Variants in GALNT16 observed in about 807,000 individuals in gnomAD.
GALNT16 encodes polypeptide N-acetylgalactosaminyltransferase 16.
GALNT16 carries 40 observed loss-of-function variants against 76.1 expected under a neutral mutation model. The observed-to-expected ratio is 0.53, with a 90% CI of 0.41 to 0.68. GALNT16 has a LOEUF of 0.68. Ranked by LOEUF, GALNT16 falls within the 30% of genes least tolerant of loss-of-function variation. The pLI is 0.00. For synonymous variants in GALNT16, 276 were observed against 285.2 expected, an observed-to-expected ratio of 0.97 and a Z score of 0.32; for missense variants, 621 against 731.9, an observed-to-expected ratio of 0.85 and a Z score of 1.75.
chr14:69,348,017 C>G lies in GALNT16; in HGVS notation c.1539+15C>G, dbSNP rs374434095. The stretch of plus-strand genomic sequence containing the variant: ...AAGGCAAGCAGGTGAGTCTCCTTGC[C>G]TCTGGCCCAGAGGCCCAGCAGCCCG... On this transcript the variant is annotated intron_variant, in intron 14 of 14. Transcript: ENST00000448469. The G allele has an allele frequency of 2.0e-5, 33 of 1,613,770 alleles. No individual in the cohort carries two copies. Among genetic ancestry groups the G allele is most frequent in the African/African-American group, 2.7e-5 (2 of 74,942 alleles).
intron 6 of GALNT16, among the ~76,000 whole-genome samples, chr14:69,330,032 C>T (rs911331878): frequency 9.9e-5 from 15 of 152,156 alleles, no homozygotes; most frequent in South Asian, 2.1e-4. Flanking sequence ...TCTGGCAGTT[C>T]TGCGAAAGTT....
intron 1 of GALNT16, among the ~76,000 whole-genome samples, chr14:69,318,818 C>A (rs2045137810): frequency 6.6e-6 from 1 of 152,232 alleles, no homozygotes; most frequent in Non-Finnish European, 1.5e-5. Flanking sequence ...TTCCATTTCC[C>A]TGACCTAGAG....
At chr14:69,274,360 A>C (rs1203412004) in intron 1 of GALNT16, among the ~76,000 whole-genome samples, 1 of 152,204 alleles carries the variant, frequency 6.6e-6, no homozygotes, top group Non-Finnish European at 1.5e-5. Context: ...TAATGACTTA[A>C]AACAATAATT....
intron 14 of GALNT16, chr14:69,349,063 G>A (rs2045599862): frequency 6.6e-6 from 1 of 152,340 alleles, no homozygotes; most frequent in South Asian, 2.1e-4. Flanking sequence ...GCAGTTTGCT[G>A]TGCCATTCTG....
At position 69,353,551 on chromosome 14, in the gene GALNT16, G is replaced by T. The variant is rs2045664207; in HGVS notation, c.*1383G>T. On this transcript the variant is annotated 3_prime_UTR_variant, in exon 15 of 15. Transcript: ENST00000448469. ...TGACTGTTGGTACCAGGACCCTGGG[G>T]GTCTCCCCTACAAAGCAGACCAGCC... The T allele has an allele frequency of 6.6e-6, 1 of 152,080 alleles. No homozygotes were observed. Among genetic ancestry groups the T allele is most frequent in the Non-Finnish European group, 1.5e-5 (1 of 68,058 alleles). 9.4% of individuals were successfully genotyped at this position (152,080 alleles called of 1,614,324 possible).
chr14:69,303,976 T>C (rs921627859), intron 1 of GALNT16, among the ~76,000 whole-genome samples: 1 of 152,208 alleles, frequency 6.6e-6, no homozygotes, highest in Admixed American at 6.5e-5. Context: ...CTTTCCATGT[T>C]AAAAAATGTT....
Position 69,347,914 on chromosome 14 carries a change from G to C in GALNT16, c.1451G>C (p.Gly484Ala), listed in dbSNP as rs1345602687. 6.2e-7 allele frequency: 1 copy of C among 1,614,004 alleles called. No homozygotes were observed. Among genetic ancestry groups the C allele is most frequent in the Admixed American group, 1.7e-5 (1 of 60,028 alleles). ...AGTGACCACCTCATCCAGCAGCAGG[G>C]GAAGTGCCTGGCTGCCACCTCCACC... ...LFSDHLIQQQGKCLAATSTLM... is the reference protein window; with the variant it reads ...LFSDHLIQQQAKCLAATSTLM... Residue 484 changes from glycine to alanine, a missense_variant, in exon 14 of 15, where the codon GGG (glycine) becomes GCG (alanine). Gly to Ala is a moderately conservative substitution (Grantham distance 60). Coordinates refer to ENST00000448469, the MANE Select transcript of GALNT16 (RefSeq NM_001168368.2).
the GALNT16 span, among the ~76,000 whole-genome samples, chr14:69,364,071 T>G: frequency 6.6e-6 from 1 of 152,198 alleles, no homozygotes; most frequent in African/African-American, 2.4e-5. The surrounding 1 kb of genome is among the most constrained non-coding windows in gnomAD (Gnocchi z 4.2). Flanking sequence ...GACAAAGACT[T>G]GTCTATTGCA....
At chr14:69,324,851 G>A (rs984171437) in intron 3 of GALNT16, 61 bp downstream of exon 3, 14 of 1,124,808 alleles carry the variant, frequency 1.2e-5, no homozygotes, top group Non-Finnish European at 1.8e-5. Flanking sequence ...ATTGGGATTG[G>A]GCGCTGTGGC....
chr14:69,343,670 A>C (rs1217428796), intron 12 of GALNT16, among the ~76,000 whole-genome samples: 2 of 152,252 alleles, frequency 1.3e-5, no homozygotes, highest in Non-Finnish European at 2.9e-5. Flanking sequence ...CAGCGTTCAT[A>C]CAACATTTGG....
At chr14:69,328,922 G>A (rs1474521472) in intron 6 of GALNT16, among the ~76,000 whole-genome samples, 1 of 152,218 alleles carries the variant, frequency 6.6e-6, no homozygotes, top group Non-Finnish European at 1.5e-5. Context: ...AGCAGAGGAT[G>A]TTGTTCTCAA....
intron 5 of GALNT16, 126 bp downstream of exon 5, chr14:69,326,153 G>C (rs57623633): frequency 2.7e-6 from 2 of 754,166 alleles, no homozygotes; most frequent in East Asian, 5.3e-5. Flanking sequence ...TGATGGCTGA[G>C]ACCAGGTTCT....
chr14:69,385,321 T>C, the GALNT16 span, among the ~76,000 whole-genome samples: 3 of 152,332 alleles, frequency 2.0e-5, no homozygotes, highest in East Asian at 5.8e-4. Flanking sequence ...TGCAGTTCCC[T>C]AATTCTTTCA....
At chr14:69,318,616 T>C (rs1459529099) in intron 1 of GALNT16, among the ~76,000 whole-genome samples, 1 of 152,062 alleles carries the variant, frequency 6.6e-6, no homozygotes, top group Non-Finnish European at 1.5e-5. Flanking sequence ...AATGAATGAG[T>C]GTGGGATGAG....
chr14:69,265,247 A>T (rs755342842), intron 1 of GALNT16, among the ~76,000 whole-genome samples: 1 of 152,208 alleles, frequency 6.6e-6, no homozygotes, highest in African/African-American at 2.4e-5. Context: ...GAGGGCTGGC[A>T]GCCCGAGAGT....
Position 69,292,456 on chromosome 14 carries a change from G to C in GALNT16, c.178-28255G>C, listed in dbSNP as rs374179251. 4.7e-4 allele frequency among the ~76,000 whole-genome samples: 72 copies of C among 152,344 alleles called. 1 individual carries two copies. Among genetic ancestry groups the C allele is most frequent in the African/African-American group, 1.5e-3 (63 of 41,590 alleles). On this transcript the variant is annotated intron_variant, in intron 1 of 14. Transcript: ENST00000448469. ...AATGCAGGCAGGGCAGGGAATGGGA[G>C]TGCCATCCCAGAGCCCCAGGGAAGG...
At chr14:69,268,813 G>A (rs2044370137) in intron 1 of GALNT16, among the ~76,000 whole-genome samples, 1 of 152,232 alleles carries the variant, frequency 6.6e-6, no homozygotes. Context: ...GATGGCATTG[G>A]CATGCAAAGA....
chr14:69,324,923 C>G, intron 3 of GALNT16, 133 bp downstream of exon 3: 1 of 592,316 alleles, frequency 1.7e-6, no homozygotes, highest in South Asian at 2.3e-5. Context: ...GAGGCTGAGA[C>G]TGGTGAATCA....
intron 6 of GALNT16, 35 bp from the exon 7 acceptor site, chr14:69,331,429 C>T (rs781007748): frequency 3.3e-6 from 4 of 1,224,278 alleles, no homozygotes; most frequent in African/African-American, 1.5e-5. Context: ...GCAGAGAAGT[C>T]CCAGGCCTCA....
Sources: gnomAD v4.1 joint callset for allele counts (sites outside exome capture counted in the v4.1 genomes callset) on GRCh38, gnomAD v4.1.1 for gene constraint, Gnocchi (gnomAD v3.1) non-coding constraint, MANE v1.5 for transcripts, NCBI Gene and HGNC (gene_info 2026-07-23, HGNC 2026-07-21) for gene names.